SLCO5A1: variants seen among roughly 807,000 people sequenced by gnomAD.
SLCO5A1 encodes organic anion transporter polypeptide-related protein 4.
A neutral mutation model predicts 65.1 loss-of-function variants in SLCO5A1; 39 were observed. The ratio of observed to expected loss-of-function variants is 0.60; its 90% CI spans 0.46 to 0.78. The LOEUF (loss-of-function observed/expected upper bound fraction) is 0.78, where lower values mean the gene tolerates loss of function less well. Ranked by LOEUF, SLCO5A1 falls within the 30% of genes least tolerant of loss-of-function variation. The probability of loss-of-function intolerance (pLI) is 0.00; values close to 1 mark genes in which losing one functional copy is unlikely to be tolerated. For missense variants in SLCO5A1, 1,029 were observed against 1,069.4 expected (o/e 0.96, Z 0.53); for synonymous variants, 438 against 415.7 (o/e 1.05, Z -0.65).
chr8:69,732,959 C>T (rs1197750065), intron 5 of SLCO5A1, among the ~76,000 whole-genome samples: 2 of 152,060 alleles, frequency 1.3e-5, no homozygotes, highest in Non-Finnish European at 2.9e-5. Context: ...AGTTCTAACA[C>T]TTACTATTTG....
intron 8 of SLCO5A1, among the ~76,000 whole-genome samples, chr8:69,677,293 T>C (rs1426708683): frequency 6.6e-6 from 1 of 152,230 alleles, no homozygotes; most frequent in Non-Finnish European, 1.5e-5. Context: ...AGTCAACTGG[T>C]TCTGTAATTA....
chr8:69,783,823 T>A (rs1417919602), intron 2 of SLCO5A1, among the ~76,000 whole-genome samples: 1 of 152,078 alleles, frequency 6.6e-6, no homozygotes, highest in Admixed American at 6.5e-5. Flanking sequence ...ATAATTGCGG[T>A]GGAGATACAT....
Position 69,832,046 on chromosome 8 carries a change from C to G in SLCO5A1, c.628G>C (p.Ala210Pro), listed in dbSNP as rs1404855925. ...VGGLLIAFGA[A>P]LFALPHFISP... is the part of the protein sequence containing the mutation. ...ATGAAGTGAGGTAAGGCGAAGAGGGCTGCCCCGAAGGCGATGAGGAGTCCA... is the reference window on the plus strand; with the variant it reads ...ATGAAGTGAGGTAAGGCGAAGAGGGGTGCCCCGAAGGCGATGAGGAGTCCA... The change falls in exon 2 of 10, where the codon GCC becomes CCC. Residue 210 changes from alanine (A) to proline (P), a missense_variant. This residue lies in a region of SLCO5A1 where 647 missense variants were observed against 647.5 expected (regional missense o/e 1.00). Transcript: ENST00000260126. The surrounding 1 kb of genome is among the most constrained non-coding windows in gnomAD (Gnocchi z 4.5). The G allele has an allele frequency of 1.2e-6, 2 of 1,611,788 alleles. No homozygotes were observed. The highest frequency in any genetic ancestry group is 1.7e-6 in the Non-Finnish European group (2 of 1,179,304).
chr8:69,681,197 T>A (rs1215642263), intron 7 of SLCO5A1, among the ~76,000 whole-genome samples: 2 of 152,224 alleles, frequency 1.3e-5, no homozygotes, highest in Non-Finnish European at 2.9e-5. Flanking sequence ...GATGGTATAA[T>A]CCCTTATCAC....
chr8:69,787,253 G>A (rs2130888984), intron 2 of SLCO5A1, among the ~76,000 whole-genome samples: 1 of 152,308 alleles, frequency 6.6e-6, no homozygotes, highest in East Asian at 1.9e-4. Flanking sequence ...GGCCTAAATT[G>A]ACAAATGATT....
rs1195510496 is a variant in SLCO5A1, at chr8:69,670,847, A to G, written c.*2022T>C. 5.3e-5 allele frequency: 8 copies of G among 152,228 alleles called. No individual in the cohort carries two copies. The highest frequency in any genetic ancestry group is 4.6e-4 in the Admixed American group (7 of 15,282). 9.4% of individuals were successfully genotyped at this position (152,228 alleles called of 1,614,324 possible). A position where few individuals can be genotyped will look rare whatever the true frequency, so the allele number is the denominator to read the frequency against. ...AACACCACACCTCTCCAATCTACAT[A>G]TCTTTAACTCCCACACCAAAGGAAA... On this transcript the variant is annotated 3_prime_UTR_variant, in exon 10 of 10. Coordinates refer to ENST00000260126, the MANE Select transcript of SLCO5A1 (RefSeq NM_030958.3).
chr8:69,701,802 A>G (rs1814748058), intron 6 of SLCO5A1, among the ~76,000 whole-genome samples: 1 of 152,240 alleles, frequency 6.6e-6, no homozygotes, highest in Non-Finnish European at 1.5e-5. Context: ...GCTGTGTCCC[A>G]GGCCATAGTC....
intron 5 of SLCO5A1, among the ~76,000 whole-genome samples, chr8:69,726,958 G>T (rs573488973): frequency 6.6e-6 from 1 of 152,182 alleles, no homozygotes; most frequent in African/African-American, 2.4e-5. Flanking sequence ...ACTAATAAAT[G>T]TGCAATACAT....
At chr8:69,793,565 G>A (rs980666100) in intron 2 of SLCO5A1, among the ~76,000 whole-genome samples, 3 of 151,950 alleles carry the variant, frequency 2.0e-5, no homozygotes, top group Admixed American at 2.0e-4. Context: ...ATCCTCTTGA[G>A]GTCAGGAGTT....
At chr8:69,761,930 G>A (rs928208114) in intron 2 of SLCO5A1, 55 bp from the exon 3 acceptor site, 1 of 1,592,526 alleles carries the variant, frequency 6.3e-7, no homozygotes, top group Non-Finnish European at 8.5e-7. Flanking sequence ...TACATGTTAG[G>A]AGTTCTCTCA....
At chr8:69,827,334 G>T (rs569279011) in intron 2 of SLCO5A1, among the ~76,000 whole-genome samples, 49 of 152,074 alleles carry the variant, frequency 3.2e-4, no homozygotes, top group South Asian at 1.9e-3. Context: ...TTATAGTCTA[G>T]TTGCTAACCT....
intron 5 of SLCO5A1, among the ~76,000 whole-genome samples, chr8:69,707,962 A>G (rs1228764883): frequency 6.6e-6 from 1 of 152,228 alleles, no homozygotes; most frequent in East Asian, 1.9e-4. Context: ...TGCAAGATCA[A>G]CAAAGAGCTG....
At chr8:69,700,800 A>T (rs1469953550) in intron 6 of SLCO5A1, among the ~76,000 whole-genome samples, 1 of 151,754 alleles carries the variant, frequency 6.6e-6, no homozygotes, top group African/African-American at 2.4e-5. Flanking sequence ...AATCAAATGT[A>T]ACGGTGTGTA....
Position 69,695,426 on chromosome 8 carries a change from G to A in SLCO5A1, c.1622+9605C>T, listed in dbSNP as rs555472203. 5.9e-5 allele frequency among the ~76,000 whole-genome samples: 9 copies of A among 152,222 alleles called. No individual in the cohort carries two copies. In the South Asian group the frequency reaches 1.9e-3, roughly 32 times the overall value. Reference sequence around the variant, plus strand: ...AGGGATAATTGCTTGAACCCAGGGGGCGGAGGTTGCAGTGAGCCGAGATTG... The same window carrying A: ...AGGGATAATTGCTTGAACCCAGGGGACGGAGGTTGCAGTGAGCCGAGATTG... On this transcript the variant is annotated intron_variant, in intron 6 of 9. Transcript: ENST00000260126.
At chr8:69,826,409 A>G (rs1284394447) in intron 2 of SLCO5A1, among the ~76,000 whole-genome samples, 1 of 151,974 alleles carries the variant, frequency 6.6e-6, no homozygotes, top group Non-Finnish European at 1.5e-5. Flanking sequence ...TCCAGAATCT[A>G]CAATGAACTC....
At chr8:69,768,316 T>TTATCC in intron 2 of SLCO5A1, among the ~76,000 whole-genome samples, 1 of 152,228 alleles carries the variant, frequency 6.6e-6, no homozygotes, top group Non-Finnish European at 1.5e-5. Flanking sequence ...CCCTTATTTC[T>TTATCC]TATCCTATGT....
rs186527153 is a variant in SLCO5A1, at chr8:69,784,035, A to G, written c.908-22160T>C. 1.2e-3 allele frequency among the ~76,000 whole-genome samples: 187 copies of G among 152,254 alleles called. 1 individual carries two copies. The highest frequency in any genetic ancestry group is 3.9e-3 in the African/African-American group (164 of 41,554). ...CGGGAAATCTTTGTACCTTTCTCTC[A>G]ATGTTGCTGTGATCCTAAAACTCTA... On this transcript the variant is annotated intron_variant, in intron 2 of 9. Transcript: ENST00000260126.
At chr8:69,720,727 A>T (rs1815779795) in intron 5 of SLCO5A1, among the ~76,000 whole-genome samples, 1 of 152,270 alleles carries the variant, frequency 6.6e-6, no homozygotes, top group Non-Finnish European at 1.5e-5. Flanking sequence ...GTTATCACAA[A>T]ATCATAGAAT....
At chr8:69,739,602 A>G (rs1816711244) in intron 4 of SLCO5A1, among the ~76,000 whole-genome samples, 1 of 152,134 alleles carries the variant, frequency 6.6e-6, no homozygotes, top group African/African-American at 2.4e-5. Context: ...CCTCCTGTTG[A>G]CCAAAATTTG....
Sources: gnomAD v4.1 joint callset for allele counts (sites outside exome capture counted in the v4.1 genomes callset) on GRCh38, gnomAD v4.1.1 for gene constraint, gnomAD v4.1.1 regional missense constraint, Gnocchi (gnomAD v3.1) non-coding constraint, MANE v1.5 for transcripts, NCBI Gene and HGNC (gene_info 2026-07-23, HGNC 2026-07-21) for gene names.